RAD54B: variants seen among roughly 807,000 people sequenced by gnomAD.
RAD54B encodes DNA repair and recombination protein RAD54B.
Under a neutral mutation model 95.8 loss-of-function variants are expected in RAD54B, and 78 were observed. That is an observed-to-expected ratio of 0.81 (90% CI 0.68 to 0.98). RAD54B has a LOEUF of 0.98. RAD54B is among the 50% of genes least tolerant of loss of function. RAD54B has a pLI of 0.00. For missense variants in RAD54B, 957 were observed against 1,056.6 expected (o/e 0.91, Z 1.31); for synonymous variants, 328 against 354.9 (o/e 0.92, Z 0.85).
At chr8:94,388,245 CCT>C (rs1278694652) in intron 10 of RAD54B, among the ~76,000 whole-genome samples, 2 of 152,172 alleles carry the variant, frequency 1.3e-5, no homozygotes, top group Non-Finnish European at 2.9e-5. Context: ...TCCTCTGCCT[CCT>C]CTCCTCTTAG....
At chr8:94,418,642 C>A (rs1811730070) in intron 3 of RAD54B, among the ~76,000 whole-genome samples, 1 of 152,134 alleles carries the variant, frequency 6.6e-6, no homozygotes, top group Non-Finnish European at 1.5e-5. Context: ...CCCAAAACCC[C>A]TGCAGTTACT....
rs575942876 is a variant in RAD54B, at chr8:94,431,569, A to G, written c.305-20254T>C. 14 of 943,308 alleles carry G rather than the reference A, an allele frequency of 1.5e-5. No individual in the cohort carries two copies. The African/African-American group carries it at 1.8e-4, about 12-fold the overall frequency. 58.4% of individuals were successfully genotyped at this position (943,308 alleles called of 1,614,324 possible). On this transcript the variant is annotated intron_variant, in intron 3 of 14. Transcript: ENST00000336148. The stretch of plus-strand genomic sequence containing the variant: ...TGCCATAAATAGCTTTGTTACCCTA[A>G]GTAAGTCATTGAGTTCTCCCTGGAC...
At chr8:94,438,625 A>C (rs376895133) in intron 3 of RAD54B, among the ~76,000 whole-genome samples, 42 of 152,360 alleles carry the variant, frequency 2.8e-4, no homozygotes, top group African/African-American at 9.4e-4. Flanking sequence ...GTATTACAGA[A>C]CACAGGGTAT....
chr8:94,399,600 T>A lies in RAD54B; in HGVS notation c.1192A>T (p.Ile398Phe). The A allele has an allele frequency of 6.2e-7, 1 of 1,609,830 alleles. No homozygotes were observed. Among genetic ancestry groups the A allele is most frequent in the Non-Finnish European group, 8.5e-7 (1 of 1,178,794 alleles). Residue 398 changes from isoleucine (I) to phenylalanine (F), a missense_variant, in exon 8 of 15, where the codon ATC (isoleucine) becomes TTC (phenylalanine). By Grantham distance (21) the Ile-to-Phe change is conservative (BLOSUM62 0). Coordinates refer to ENST00000336148, the MANE Select transcript of RAD54B (RefSeq NM_012415.3). ...AGAACAGAATAAAATATAGACTTGATGAATTCTTCAACTTTGTGGTCCTGA... is the reference window on the plus strand; with the variant it reads ...AGAACAGAATAAAATATAGACTTGAAGAATTCTTCAACTTTGTGGTCCTGA... Reference protein sequence around the residue: ...VDQDHKVEEFIKSIFYSVLII... With the variant: ...VDQDHKVEEFFKSIFYSVLII...
At position 94,432,526 on chromosome 8, in the gene RAD54B, T is replaced by A. The variant is rs539394238; in HGVS notation, c.305-21211A>T. 10 of 1,550,670 alleles carry A rather than the reference T, an allele frequency of 6.4e-6. No homozygotes were observed. The South Asian group carries it at 1.1e-4, about 17-fold the overall frequency. On this transcript the variant is annotated intron_variant, in intron 3 of 14. Transcript: ENST00000336148. ...TCTAAAGTATCACTCTGTTGAGAAT[T>A]TAAAACCAGTGGAGGAGGTGGTTTA...
Position 94,380,162 on chromosome 8 carries a change from G to C in RAD54B, c.2230C>G (p.Pro744Ala), listed in dbSNP as rs919266827. The change falls in exon 12 of 15, where the codon CCA (proline) becomes GCA (alanine). Residue 744 changes from proline (P) to alanine (A), a missense_variant. Transcript: ENST00000336148. ...ATTCCTACCTGAATGTCAGTGGCTG[G>C]ATTCCAATCAATGTCATAGAGAATT... is the stretch of plus-strand genomic sequence containing the variant. ...HLILYDIDWN[P>A]ATDIQAMSRV... The C allele has an allele frequency of 6.2e-7, 1 of 1,609,360 alleles. No individual in the cohort carries two copies. Among genetic ancestry groups the C allele is most frequent in the African/African-American group, 1.3e-5 (1 of 74,824 alleles).
At chr8:94,440,311 A>G (rs1031981095) in intron 3 of RAD54B, among the ~76,000 whole-genome samples, 4 of 152,184 alleles carry the variant, frequency 2.6e-5, no homozygotes, top group Non-Finnish European at 5.9e-5. Flanking sequence ...CTGTTTGATT[A>G]TATTACAATA....
intron 3 of RAD54B, among the ~76,000 whole-genome samples, chr8:94,451,833 C>T (rs1812661005): frequency 6.6e-6 from 1 of 151,724 alleles, no homozygotes; most frequent in African/African-American, 2.4e-5. Context: ...GACACGATGA[C>T]TAAATACAAC....
At chr8:94,461,923 G>A (rs536959769) in intron 2 of RAD54B, among the ~76,000 whole-genome samples, 20 of 152,138 alleles carry the variant, frequency 1.3e-4, no homozygotes, top group African/African-American at 4.6e-4. Flanking sequence ...GTCACTTATC[G>A]CAATAACGTC....
chr8:94,462,506 T>C (rs1409342374), intron 2 of RAD54B, among the ~76,000 whole-genome samples: 1 of 152,184 alleles, frequency 6.6e-6, no homozygotes, highest in African/African-American at 2.4e-5. Context: ...CAATGGGCTA[T>C]AATCCATTAG....
intron 3 of RAD54B, among the ~76,000 whole-genome samples, chr8:94,414,365 T>G (rs1355752662): frequency 6.6e-6 from 1 of 152,194 alleles, no homozygotes; most frequent in Non-Finnish European, 1.5e-5. Flanking sequence ...AACACTATGT[T>G]GAATAGGAGT....
At chr8:94,403,899 A>T (rs754132263) in intron 6 of RAD54B, among the ~76,000 whole-genome samples, 178 bp downstream of exon 6, 2 of 152,142 alleles carry the variant, frequency 1.3e-5, no homozygotes, top group Non-Finnish European at 2.9e-5. Flanking sequence ...CGTGGCATCT[A>T]TCAAGAACCA....
chr8:94,451,654 C>G (rs1812657995), intron 3 of RAD54B, among the ~76,000 whole-genome samples: 2 of 151,948 alleles, frequency 1.3e-5, no homozygotes, highest in African/African-American at 4.8e-5. Context: ...GAACTATTTC[C>G]GTGATATTTC....
Position 94,410,846 on chromosome 8 carries a change from G to C in RAD54B, c.499+275C>G, listed in dbSNP as rs75021744. 4.5e-3 allele frequency among the ~76,000 whole-genome samples: 682 copies of C among 152,152 alleles called. 4 individuals are homozygous for C. Among genetic ancestry groups the C allele is most frequent in the Non-Finnish European group, 7.9e-3 (539 of 67,946 alleles). ...AAATTTAGTGTTTAAGCTCAGAAAA[G>C]TACCAAAATAACTATATATAGCTGG... On this transcript the variant is annotated intron_variant, in intron 4 of 14. Coordinates refer to ENST00000336148, the MANE Select transcript of RAD54B (RefSeq NM_012415.3).
intron 3 of RAD54B, 103 bp downstream of exon 3, chr8:94,458,165 C>T (rs906458636): frequency 3.9e-5 from 44 of 1,125,762 alleles, no homozygotes; most frequent in Non-Finnish European, 5.4e-5. Context: ...GGTATTACAT[C>T]AACAATTTTC....
In RAD54B at chr8:94,387,081, CAGCAGGAAACACA is replaced by C; in HGVS notation, c.1875_1887del (p.Ser625ArgfsTer23). 1 of 1,613,230 alleles carries C rather than the reference CAGCAGGAAACACA, an allele frequency of 6.2e-7. No homozygotes were observed. Among genetic ancestry groups the C allele is most frequent in the Admixed American group, 1.7e-5 (1 of 59,954 alleles). On this transcript the variant is annotated frameshift_variant, in exon 11 of 15. Transcript: ENST00000336148. LOFTEE classifies it high-confidence loss of function. ...TCAGTAAACAGGAGAGGGTTGTAGT[CAGCAGGAAACACA>C]CTTAGCAAGCCTTTGTATAGACTCT...
chr8:94,432,393 C>T (rs781604631), intron 3 of RAD54B: 191 of 1,550,426 alleles, frequency 1.2e-4, no homozygotes, highest in Middle Eastern at 8.3e-4. Flanking sequence ...AAAATCATCT[C>T]TCCTTGGAAT....
rs908737984 is a variant in RAD54B, at chr8:94,431,431, T to C, written c.305-20116A>G. 6.1e-6 allele frequency: 6 copies of C among 980,406 alleles called. No individual in the cohort carries two copies. In the African/African-American group the frequency reaches 1.1e-4, roughly 17 times the overall value. The allele number at this position is 980,406 out of a possible 1,614,324, so 60.7% of individuals were successfully genotyped here. A position where few individuals can be genotyped will look rare whatever the true frequency, so the allele number is the denominator to read the frequency against. On this transcript the variant is annotated intron_variant, in intron 3 of 14. Transcript: ENST00000336148. ...TAACAATCTTTAAAGGCAATTTTAA[T>C]GAAAGAAATGCTTCTAATATTTAAA... is the stretch of plus-strand genomic sequence containing the variant.
chr8:94,397,502 T>G (rs1041659658), intron 8 of RAD54B, among the ~76,000 whole-genome samples: 2 of 152,096 alleles, frequency 1.3e-5, no homozygotes, highest in Non-Finnish European at 2.9e-5. Flanking sequence ...AATGAAACAA[T>G]CTCACTGGTT....
Sources: allele counts gnomAD v4.1 joint callset (sites outside exome capture counted in the v4.1 genomes callset), GRCh38; gene constraint gnomAD v4.1.1; transcripts MANE v1.5; gene names NCBI Gene and HGNC (gene_info 2026-07-23, HGNC 2026-07-21).